Variants in GLIS3 observed in about 807,000 individuals in gnomAD.
GLIS3 encodes zinc finger protein GLIS3.
In GLIS3, 53 loss-of-function variants were observed where a neutral mutation model predicts 78.6. The observed-to-expected ratio is 0.67, with a 90% confidence interval of 0.54 to 0.85. The LOEUF is 0.85. Among genes scored for constraint, GLIS3 ranks in the 40% least tolerant of loss-of-function variants. The probability of loss-of-function intolerance (pLI) is 0.00; values close to 1 mark genes in which losing one functional copy is unlikely to be tolerated. For synonymous variants in GLIS3, 684 were observed against 509.9 expected (o/e 1.34, Z -4.60); for missense variants, 1,703 against 1,231.1 (o/e 1.38, Z -5.74).
At chr9:4,426,527 C>G in the GLIS3 span, among the ~76,000 whole-genome samples, 1 of 152,348 alleles carries the variant, frequency 6.6e-6, no homozygotes, top group East Asian at 1.9e-4. Flanking sequence ...GAATATTACT[C>G]ATTCTTTAAG....
intron 2 of GLIS3, among the ~76,000 whole-genome samples, chr9:4,340,274 G>T (rs570416332): frequency 7.5e-6 from 1 of 133,910 alleles, no homozygotes; most frequent in Non-Finnish European, 1.5e-5. Context: ...TAGAAGTTTA[G>T]GAATTACAAA....
chr9:3,877,598 A>G (rs1365301700), intron 8 of GLIS3, among the ~76,000 whole-genome samples: 2 of 152,006 alleles, frequency 1.3e-5, no homozygotes, highest in Non-Finnish European at 2.9e-5. Flanking sequence ...CTCTTTTTGT[A>G]TTTTTCAGTT....
At chr9:4,143,733 C>T (rs190204321) in intron 2 of GLIS3, among the ~76,000 whole-genome samples, 2 of 152,286 alleles carry the variant, frequency 1.3e-5, no homozygotes, top group Admixed American at 6.5e-5. Context: ...CCATTTTCCC[C>T]ACCTCCCAAC....
At chr9:3,947,009 C>T (rs1035766039) in intron 4 of GLIS3, among the ~76,000 whole-genome samples, 4 of 143,142 alleles carry the variant, frequency 2.8e-5, no homozygotes, top group South Asian at 4.4e-4. Context: ...TACAGCCAAC[C>T]CCTCACGACG....
the GLIS3 span, among the ~76,000 whole-genome samples, chr9:4,436,113 T>C: frequency 6.6e-6 from 1 of 152,248 alleles, no homozygotes; most frequent in Admixed American, 6.5e-5. Flanking sequence ...AGACATTTGC[T>C]ATATCCTTGG....
intron 2 of GLIS3, among the ~76,000 whole-genome samples, chr9:4,162,712 C>G (rs149749970): frequency 6.6e-6 from 1 of 151,856 alleles, no homozygotes; most frequent in Non-Finnish European, 1.5e-5. Flanking sequence ...AAAAAATAAG[C>G]TGGGCATAGT....
chr9:4,392,758 G>A, the GLIS3 span, among the ~76,000 whole-genome samples: 1 of 152,140 alleles, frequency 6.6e-6, no homozygotes, highest in African/African-American at 2.4e-5. Context: ...TATCACCCAA[G>A]GGAGCACCTC....
At chr9:4,070,607 T>G (rs1390720719) in intron 4 of GLIS3, among the ~76,000 whole-genome samples, 1 of 152,104 alleles carries the variant, frequency 6.6e-6, no homozygotes, top group Non-Finnish European at 1.5e-5. Context: ...GTAGTGAGTA[T>G]GTATGTGTGT....
intron 2 of GLIS3, among the ~76,000 whole-genome samples, chr9:4,162,643 A>G (rs548024178): frequency 4.6e-5 from 7 of 151,978 alleles, no homozygotes; most frequent in Non-Finnish European, 5.9e-5. Context: ...GCAGATCACG[A>G]GGTCAGATCG....
At chr9:4,217,488 C>T (rs930425319) in intron 2 of GLIS3, among the ~76,000 whole-genome samples, 1 of 152,176 alleles carries the variant, frequency 6.6e-6, no homozygotes, top group Non-Finnish European at 1.5e-5. Flanking sequence ...ATATAGTATA[C>T]AGCATGGACT....
At chr9:4,313,369 C>G (rs1817393407) in intron 2 of GLIS3, among the ~76,000 whole-genome samples, 1 of 152,168 alleles carries the variant, frequency 6.6e-6, no homozygotes, top group Non-Finnish European at 1.5e-5. Context: ...GCCACCTCCC[C>G]CTCTCCATCT....
chr9:4,076,755 T>A (rs149353299), intron 4 of GLIS3, among the ~76,000 whole-genome samples: 2,007 of 152,290 alleles, frequency 0.013, 26 homozygotes, highest in Middle Eastern at 0.12. Flanking sequence ...TGACTTTCTT[T>A]TCATAATGTT....
intron 4 of GLIS3, among the ~76,000 whole-genome samples, chr9:4,011,940 C>T (rs371427061): frequency 2.2e-4 from 34 of 152,092 alleles, no homozygotes; most frequent in African/African-American, 7.7e-4. Flanking sequence ...TCATTAAAAA[C>T]GATTACTTTT....
chr9:3,965,974 T>A (rs1250581361), intron 4 of GLIS3, among the ~76,000 whole-genome samples: 1 of 152,266 alleles, frequency 6.6e-6, no homozygotes, highest in Admixed American at 6.5e-5. Context: ...AGCATCAGTG[T>A]CACCTGAAGC....
chr9:4,352,789 CATAA>C (rs760713681), upstream of GLIS3, among the ~76,000 whole-genome samples: 1 of 152,146 alleles, frequency 6.6e-6, no homozygotes, highest in Non-Finnish European at 1.5e-5. Context: ...CAGAATTGGT[CATAA>C]ATAAACTTTC....
intron 4 of GLIS3, among the ~76,000 whole-genome samples, chr9:4,019,102 G>C (rs184341986): frequency 1.0e-3 from 157 of 152,314 alleles, no homozygotes; most frequent in African/African-American, 3.6e-3. Flanking sequence ...CAATCCATTT[G>C]ATGCGGGATG....
At chr9:4,274,131 A>T (rs1826774493) in intron 2 of GLIS3, among the ~76,000 whole-genome samples, 1 of 152,142 alleles carries the variant, frequency 6.6e-6, no homozygotes, top group African/African-American at 2.4e-5. Context: ...TGGCTTGAAA[A>T]GGTCACCATA....
chr9:4,484,243 T>A, the GLIS3 span, among the ~76,000 whole-genome samples: 1,439 of 145,192 alleles, frequency 9.9e-3, 26 homozygotes, highest in South Asian at 0.027. Context: ...TTTTTTATTT[T>A]TTTTATTTTT....
intron 2 of GLIS3, among the ~76,000 whole-genome samples, chr9:4,208,356 C>T (rs1298488239): frequency 6.6e-6 from 1 of 152,186 alleles, no homozygotes; most frequent in Non-Finnish European, 1.5e-5. Flanking sequence ...TTCTGATCTT[C>T]AGTGGGCACA....
Sources: allele counts gnomAD v4.1 joint callset (sites outside exome capture counted in the v4.1 genomes callset), GRCh38; gene constraint gnomAD v4.1.1; transcripts MANE v1.5; gene names NCBI Gene and HGNC (gene_info 2026-07-23, HGNC 2026-07-21).